Variants in KIF9 observed in about 807,000 individuals in gnomAD.
KIF9 encodes kinesin-like protein KIF9.
A neutral mutation model predicts 94.8 loss-of-function variants in KIF9; 68 were observed. That is an observed-to-expected ratio of 0.72 (90% CI 0.59 to 0.88). The LOEUF (loss-of-function observed/expected upper bound fraction) is 0.88. KIF9 is among the 40% of genes least tolerant of loss of function. KIF9 has a pLI of 0.00. For missense variants in KIF9, 882 were observed against 982.5 expected, an observed-to-expected ratio of 0.90 and a Z score of 1.37; for synonymous variants, 343 against 362.1, an observed-to-expected ratio of 0.95 and a Z score of 0.60.
chr3:47,256,075 A>C (rs968274064), intron 10 of KIF9, among the ~76,000 whole-genome samples: 2 of 152,230 alleles, frequency 1.3e-5, no homozygotes, highest in Admixed American at 1.3e-4. Context: ...AATGGTGCCC[A>C]GGCTGGAGTG....
In KIF9 at chr3:47,271,275, T is replaced by A; in HGVS notation, c.553A>T (p.Thr185Ser). 1 of 1,613,964 alleles carries A rather than the reference T, an allele frequency of 6.2e-7. No individual in the cohort carries two copies. The highest frequency in any genetic ancestry group is 8.5e-7 in the Non-Finnish European group (1 of 1,179,936). ...VFIKGLSVHL[T>S]SQEEDAFSLL... ...CTGAATGCATCCTCCTCCTGACTTG[T>A]GAGGTGAACTGACAAGCCCTTAATG... Residue 185 changes from threonine (T) to serine (S), a missense_variant, in exon 5 of 21, where the codon ACA (threonine) becomes TCA (serine). Thr to Ser is a moderately conservative substitution (Grantham distance 58). Transcript: ENST00000684063.
chr3:47,276,767 G>A (rs1232149543), intron 2 of KIF9, among the ~76,000 whole-genome samples: 4 of 152,160 alleles, frequency 2.6e-5, no homozygotes, highest in Admixed American at 2.0e-4. Context: ...ATGCTGCCCA[G>A]AGTAGGCCCA....
chr3:47,277,447 T>C (rs1048767683), intron 1 of KIF9, 68 bp from the exon 2 acceptor site: 15 of 1,037,182 alleles, frequency 1.4e-5, no homozygotes, highest in Non-Finnish European at 2.2e-5. Flanking sequence ...AGAGGGGTCA[T>C]TCATTAAGAA....
chr3:47,255,989 T>C (rs972533135), intron 10 of KIF9, among the ~76,000 whole-genome samples: 1 of 152,254 alleles, frequency 6.6e-6, no homozygotes, highest in African/African-American at 2.4e-5. Context: ...CTCCAGCTCC[T>C]AACCGCGAGT....
chr3:47,249,911 T>C (rs1173437560), intron 10 of KIF9, among the ~76,000 whole-genome samples: 1 of 152,162 alleles, frequency 6.6e-6, no homozygotes, highest in Non-Finnish European at 1.5e-5. Context: ...TGGCCAAGCA[T>C]GGTGGCATGC....
At chr3:47,254,247 C>A (rs1700436546) in intron 10 of KIF9, among the ~76,000 whole-genome samples, 1 of 152,184 alleles carries the variant, frequency 6.6e-6, no homozygotes, top group South Asian at 2.1e-4. Context: ...CACCTGAGGT[C>A]AGGAGTTTGA....
intron 17 of KIF9, among the ~76,000 whole-genome samples, chr3:47,238,832 T>G (rs1699249617): frequency 6.6e-6 from 1 of 152,140 alleles, no homozygotes; most frequent in African/African-American, 2.4e-5. Context: ...CCGGATAATT[T>G]TTTTGTATTT....
intron 17 of KIF9, chr3:47,239,691 G>A (rs1474632886): frequency 3.0e-5 from 35 of 1,167,774 alleles, no homozygotes; most frequent in Middle Eastern, 2.7e-4. Context: ...GGGCTCAAGC[G>A]ATTTTCATGC....
At position 47,275,474 on chromosome 3, in the gene KIF9, A is replaced by C; in HGVS notation, c.110T>G (p.Leu37Ter). Residue 37 changes from leucine to a stop codon, truncating the protein, a stop_gained, in exon 3 of 21, where the codon TTA becomes TGA. Coordinates refer to ENST00000684063, the MANE Select transcript of KIF9 (RefSeq NM_182902.4). LOFTEE classifies it high-confidence loss of function. Reference sequence around the variant, plus strand: ...AACTCCTCTCCGAATGTCTTTTTTTAAGTGAATATCAATGCTCTAGGAAAA... The same window carrying C: ...AACTCCTCTCCGAATGTCTTTTTTTCAGTGAATATCAATGCTCTAGGAAAA... ...GDDKRSIDIH[L>*]KKDIRRGVVN... 6.2e-7 allele frequency: 1 copy of C among 1,608,300 alleles called. No individual in the cohort carries two copies. The highest frequency in any genetic ancestry group is 8.5e-7 in the Non-Finnish European group (1 of 1,177,894).
At chr3:47,232,723 C>T (rs1698688817) in intron 20 of KIF9, among the ~76,000 whole-genome samples, 1 of 151,808 alleles carries the variant, frequency 6.6e-6, no homozygotes, top group African/African-American at 2.4e-5. Flanking sequence ...TGGCTCACAC[C>T]TATAATCCCA....
intron 9 of KIF9, among the ~76,000 whole-genome samples, chr3:47,257,905 T>C (rs548927701): frequency 2.0e-5 from 3 of 152,344 alleles, no homozygotes; most frequent in South Asian, 4.1e-4. Flanking sequence ...TGTCCTCCTA[T>C]GCTGTCTGCC....
intron 17 of KIF9, 71 bp downstream of exon 17, chr3:47,240,730 G>T: frequency 7.6e-7 from 1 of 1,320,946 alleles, no homozygotes; most frequent in Non-Finnish European, 1.1e-6. Flanking sequence ...CTAGTGCCAA[G>T]GGCTGTTCTG....
intron 10 of KIF9, among the ~76,000 whole-genome samples, chr3:47,256,482 C>T (rs1576015483): frequency 6.6e-6 from 1 of 151,612 alleles, no homozygotes; most frequent in African/African-American, 2.4e-5. Flanking sequence ...TGGGGGTCAG[C>T]CCCCGCCAGG....
intron 1 of KIF9, chr3:47,281,121 G>A (rs781221379): frequency 8.9e-6 from 6 of 671,438 alleles, no homozygotes; most frequent in African/African-American, 1.8e-5. Context: ...AGGAAATGGC[G>A]GTGGTTGGTG....
intron 10 of KIF9, among the ~76,000 whole-genome samples, chr3:47,253,058 A>G (rs1700370520): frequency 1.3e-5 from 2 of 152,144 alleles, no homozygotes; most frequent in Non-Finnish European, 2.9e-5. Flanking sequence ...GAATACAGAA[A>G]AGCAGAAAAC....
chr3:47,260,031 T>G (rs2107378181), intron 9 of KIF9, among the ~76,000 whole-genome samples: 1 of 93,562 alleles, frequency 1.1e-5, no homozygotes, highest in East Asian at 2.6e-4. Flanking sequence ...GGCATCTGTC[T>G]CCTGCCTGTC....
intron 10 of KIF9, among the ~76,000 whole-genome samples, chr3:47,254,429 G>C (rs936873024): frequency 3.3e-5 from 5 of 152,188 alleles, no homozygotes; most frequent in Admixed American, 3.3e-4. Flanking sequence ...CTGCACTCCA[G>C]CCTGGGTGAG....
intron 1 of KIF9, among the ~76,000 whole-genome samples, chr3:47,278,653 A>C (rs1702126250): frequency 6.6e-6 from 1 of 152,112 alleles, no homozygotes; most frequent in Admixed American, 6.5e-5. Context: ...ACATGGCGAA[A>C]ACCCATCTCT....
chr3:47,259,732 A>C (rs57658701), intron 9 of KIF9, among the ~76,000 whole-genome samples: 9,861 of 147,712 alleles, frequency 0.067, 1,129 homozygotes, highest in African/African-American at 0.23. Flanking sequence ...AGGGCGGTGC[A>C]AGATGTGCTT....
Sources: allele counts gnomAD v4.1 joint callset (sites outside exome capture counted in the v4.1 genomes callset), GRCh38; gene constraint gnomAD v4.1.1; transcripts MANE v1.5; gene names NCBI Gene and HGNC (gene_info 2026-07-23, HGNC 2026-07-21).